NOTCH2: variants seen among roughly 807,000 people sequenced by gnomAD.
The protein encoded by NOTCH2 is neurogenic locus notch homolog protein 2.
NOTCH2 carries 29 observed loss-of-function variants against 235.8 expected under a neutral mutation model. The observed-to-expected ratio is 0.12, with a 90% CI of 0.09 to 0.17. The LOEUF (loss-of-function observed/expected upper bound fraction) is 0.17. Ranked by LOEUF, NOTCH2 falls within the 10% of genes least tolerant of loss-of-function variation. The pLI is 1.00. For synonymous variants in NOTCH2, 1,086 were observed against 1,141.5 expected (o/e 0.95, Z 0.98); for missense variants, 2,285 against 3,150.2 (o/e 0.73, Z 6.57).
At chr1:119,985,519 A>G (rs1219221636) in intron 5 of NOTCH2, among the ~76,000 whole-genome samples, 2 of 152,150 alleles carry the variant, frequency 1.3e-5, no homozygotes, top group African/African-American at 4.8e-5. Flanking sequence ...AGTATCGAAC[A>G]AAAACCAGCA....
In NOTCH2 at chr1:120,069,443, C is replaced by T. The variant is rs1163160084; in HGVS notation, c.-37G>A. On this transcript the variant is annotated 5_prime_UTR_variant, in exon 1 of 34. Coordinates refer to ENST00000256646, the MANE Select transcript of NOTCH2 (RefSeq NM_024408.4). ...CCTCCTCCTCCGCCGCCGCCGCCGCCGCCTGGGCAGATCCACATGGGGAGG... is the reference window on the plus strand; with the variant it reads ...CCTCCTCCTCCGCCGCCGCCGCCGCTGCCTGGGCAGATCCACATGGGGAGG... The T allele has an allele frequency of 9.8e-6, 15 of 1,527,392 alleles. No individual in the cohort carries two copies. In the African/African-American group the frequency reaches 1.4e-4, roughly 14 times the overall value. The allele number at this position is 1,527,392 out of a possible 1,614,324, so 94.6% of individuals were successfully genotyped here.
In NOTCH2 at chr1:119,935,620, A is replaced by G. The variant is rs782409618; in HGVS notation, c.3523-16T>C. 34 of 1,613,644 alleles carry G rather than the reference A, an allele frequency of 2.1e-5. No individual in the cohort carries two copies. The East Asian group carries it at 6.9e-4, about 33-fold the overall frequency. On this transcript the variant is annotated splice_polypyrimidine_tract_variant and intron_variant, in intron 21 of 33. Transcript: ENST00000256646. ...CTGGGACACACTGCCATGAGGAAAC[A>G]AAAAGGACAAGAAATATTGGACCAT...
intron 1 of NOTCH2, among the ~76,000 whole-genome samples, chr1:120,065,972 TATAG>T (rs1169601443): frequency 1.3e-5 from 2 of 151,066 alleles, no homozygotes; most frequent in Non-Finnish European, 2.9e-5. Context: ...TGCAGACGTA[TATAG>T]ATAAAGGGTC....
Position 119,922,707 on chromosome 1 carries a change from T to A in NOTCH2, c.4931A>T (p.Asp1644Val), listed in dbSNP as rs1324966545. The A allele has an allele frequency of 6.2e-7, 1 of 1,614,192 alleles. No individual in the cohort carries two copies. The highest frequency in any genetic ancestry group is 1.7e-5 in the Admixed American group (1 of 60,028). The change falls in exon 27 of 34, where the codon GAT becomes GTT. Residue 1644 changes from aspartate to valine, a missense_variant. Asp to Val is a radical substitution (Grantham distance 152). Around this residue, in one of 6 missense-constraint regions of NOTCH2, gnomAD observed 1,173 missense variants for 1,515.3 expected, o/e 0.77. Coordinates refer to ENST00000256646, the MANE Select transcript of NOTCH2 (RefSeq NM_024408.4). ...QDSDHCFKNT[D>V]AAAALLASHA... ...AGAGGCCAGGAGAGCTGCTGCTGCATCCGTGTTCTTGAAGCAGTGGTCTGA... is the reference window on the plus strand; with the variant it reads ...AGAGGCCAGGAGAGCTGCTGCTGCAACCGTGTTCTTGAAGCAGTGGTCTGA...
chr1:120,001,021 G>A (rs868931575), intron 3 of NOTCH2, among the ~76,000 whole-genome samples: 1,320 of 151,646 alleles, frequency 8.7e-3, no homozygotes, highest in African/African-American at 0.031. Flanking sequence ...TCTCATGATA[G>A]TGAATAAGTC....
chr1:119,997,079 C>G lies in NOTCH2; in HGVS notation c.669G>C (p.Val223=), dbSNP rs1344721965. The change falls in exon 4 of 34, where the codon GTG becomes GTC. Residue 223 remains valine (V), a synonymous_variant. Coordinates refer to ENST00000256646, the MANE Select transcript of NOTCH2 (RefSeq NM_024408.4). ...FTGQYCDSLY[V]PCAPSPCVNG... ...TGACACAAGGTGAGGGTGCACAGGGCACATACAGGCTGTCACAGTACTGGC... is the reference window on the plus strand; with the variant it reads ...TGACACAAGGTGAGGGTGCACAGGGGACATACAGGCTGTCACAGTACTGGC... 3 of 1,614,012 alleles carry G rather than the reference C, an allele frequency of 1.9e-6. No individual in the cohort carries two copies. The East Asian group carries it at 6.7e-5, about 36-fold the overall frequency.
chr1:119,923,142 C>T (rs191987154), intron 26 of NOTCH2, among the ~76,000 whole-genome samples: 9 of 152,354 alleles, frequency 5.9e-5, no homozygotes, highest in African/African-American at 1.9e-4. Context: ...TCTAAACATA[C>T]ATCCCTGTGT....
intron 31 of NOTCH2, among the ~76,000 whole-genome samples, chr1:119,918,871 C>T (rs1371562506): frequency 1.3e-5 from 2 of 152,134 alleles, no homozygotes; most frequent in Non-Finnish European, 2.9e-5. Flanking sequence ...AGAATGCTTC[C>T]AATTTCCTCA....
chr1:120,014,280 C>G (rs1653332271), intron 2 of NOTCH2, among the ~76,000 whole-genome samples: 1 of 151,922 alleles, frequency 6.6e-6, no homozygotes, highest in South Asian at 2.1e-4. Context: ...CTTTAAAAGT[C>G]TCAGCTGGGC....
At chr1:120,015,996 C>T (rs1653437004) in intron 2 of NOTCH2, among the ~76,000 whole-genome samples, 2 of 128,788 alleles carry the variant, frequency 1.6e-5, no homozygotes, top group African/African-American at 5.8e-5. Flanking sequence ...ATAGCTTACT[C>T]AGCAAGAAGG....
At chr1:119,969,776 TC>T in intron 5 of NOTCH2, 32 bp from the exon 6 acceptor site, 1 of 1,587,334 alleles carries the variant, frequency 6.3e-7, no homozygotes, top group Non-Finnish European at 8.6e-7. Context: ...TGATTAGGGC[TC>T]TTGAGTCTCA....
chr1:119,940,892 A>G, intron 18 of NOTCH2, 136 bp from the exon 19 acceptor site: 9 of 782,918 alleles, frequency 1.1e-5, no homozygotes, highest in Non-Finnish European at 2.0e-5. Flanking sequence ...ACTTTCTTAC[A>G]AGCTAGATTG....
intron 22 of NOTCH2, among the ~76,000 whole-genome samples, chr1:119,933,562 C>T (rs1319562320): frequency 3.9e-5 from 6 of 152,052 alleles, no homozygotes; most frequent in South Asian, 2.1e-4. Context: ...AAGGGAACCT[C>T]AATAAGATTA....
At chr1:119,969,406 T>C (rs1273201994) in intron 6 of NOTCH2, 105 bp downstream of exon 6, 39 of 946,218 alleles carry the variant, frequency 4.1e-5, no homozygotes, top group Non-Finnish European at 5.5e-5. Context: ...TATGTTCCCA[T>C]AGATGGTAAC....
chr1:119,948,704 C>A, intron 16 of NOTCH2, 138 bp from the exon 17 acceptor site: 1 of 1,022,300 alleles, frequency 9.8e-7, no homozygotes, highest in East Asian at 2.5e-5. Flanking sequence ...TAGGAAGTTC[C>A]AGGAAGACTT....
In NOTCH2 at chr1:119,915,635, C is replaced by A. The variant is rs371357549; in HGVS notation, c.7087G>T (p.Gly2363Trp). 1.2e-6 allele frequency: 2 copies of A among 1,614,002 alleles called. No individual in the cohort carries two copies. The highest frequency in any genetic ancestry group is 1.7e-6 in the Non-Finnish European group (2 of 1,180,020). The change falls in exon 34 of 34, where the codon GGG becomes TGG. Residue 2363 changes from glycine to tryptophan, a missense_variant. Physicochemically the swap from Gly to Trp is radical, Grantham distance 184 (BLOSUM62 -2). Coordinates refer to ENST00000256646, the MANE Select transcript of NOTCH2 (RefSeq NM_024408.4). ...GGGAGAATGGTCTGAGCTACCTGCC[C>A]GTCCTGCTGGGGCATCATGGCAGTG... is the stretch of plus-strand genomic sequence containing the variant. Reference protein sequence around the residue: ...FPTAMMPQQDGQVAQTILPAY... With the variant: ...FPTAMMPQQDWQVAQTILPAY...
chr1:119,974,994 T>C (rs1570706786), intron 5 of NOTCH2, among the ~76,000 whole-genome samples: 1 of 152,310 alleles, frequency 6.6e-6, no homozygotes, highest in South Asian at 2.1e-4. Context: ...TCTAACATGC[T>C]CATTTTACAG....
In NOTCH2 at chr1:119,914,425, C is replaced by T. The variant is rs1014209918; in HGVS notation, c.*881G>A. The T allele has an allele frequency of 4.3e-6, 1 of 233,194 alleles. No individual in the cohort carries two copies. The highest frequency in any genetic ancestry group is 1.8e-4 in the South Asian group (1 of 5,524). The allele number at this position is 233,194 out of a possible 1,614,324, so 14.4% of individuals were successfully genotyped here. On this transcript the variant is annotated 3_prime_UTR_variant, in exon 34 of 34. Transcript: ENST00000256646. ...AGACTATCAAGGATAAAACTTTACA[C>T]TGACCAGGCCCATACACAGAAAAAC...
intron 5 of NOTCH2, among the ~76,000 whole-genome samples, chr1:119,979,868 A>G (rs1651743350): frequency 6.6e-6 from 1 of 152,214 alleles, no homozygotes; most frequent in Non-Finnish European, 1.5e-5. Context: ...TTCGAGAGAA[A>G]GAAATCAATA....
Sources: allele counts gnomAD v4.1 joint callset (sites outside exome capture counted in the v4.1 genomes callset), GRCh38; gene constraint gnomAD v4.1.1; regional missense constraint gnomAD v4.1.1; transcripts MANE v1.5; gene names NCBI Gene and HGNC (gene_info 2026-07-23, HGNC 2026-07-21).